RNF167: variants seen among roughly 807,000 people sequenced by gnomAD.
RNF167 encodes ring finger protein 167, also known as E3 ubiquitin-protein ligase RNF167.
Under a neutral mutation model 34.8 loss-of-function variants are expected in RNF167, and 19 were observed. The ratio of observed to expected loss-of-function variants is 0.55; its 90% CI spans 0.38 to 0.80. The LOEUF (loss-of-function observed/expected upper bound fraction) is 0.80. RNF167 is among the 30% of genes least tolerant of loss of function. The probability of loss-of-function intolerance (pLI) is 0.00; values close to 1 mark genes in which losing one functional copy is unlikely to be tolerated. For missense variants in RNF167, 464 were observed against 447.0 expected (o/e 1.04, Z -0.34); for synonymous variants, 200 against 170.4 (o/e 1.17, Z -1.35).
At chr17:4,941,232 C>A in intron 3 of RNF167, 75 bp downstream of exon 3, 2 of 1,344,026 alleles carry the variant, frequency 1.5e-6, no homozygotes, top group Non-Finnish European at 2.1e-6. Flanking sequence ...TTTAGTATTT[C>A]GCAAGATCCT....
intron 3 of RNF167, among the ~76,000 whole-genome samples, chr17:4,941,482 A>G (rs1441929508): frequency 6.6e-6 from 1 of 152,202 alleles, no homozygotes; most frequent in African/African-American, 2.4e-5. Flanking sequence ...ACTTTGGGCA[A>G]GTTAATCTCT....
intron 3 of RNF167, among the ~76,000 whole-genome samples, chr17:4,941,680 C>T (rs769172915): frequency 6.6e-6 from 1 of 152,056 alleles, no homozygotes; most frequent in Non-Finnish European, 1.5e-5. Flanking sequence ...ATTGAAGAGG[C>T]CGGGCGCGGT....
At position 4,940,811 on chromosome 17, in the gene RNF167, C is replaced by T; in HGVS notation, c.-99C>T. ...AGTGGGACCTGGGGGTGGTTGGACC[C>T]CTGGGATCCTAAAGGAGGGGCAGGG... On this transcript the variant is annotated 5_prime_UTR_variant, in exon 2 of 10. Coordinates refer to ENST00000262482, the MANE Select transcript of RNF167 (RefSeq NM_015528.3). The T allele has an allele frequency of 8.7e-7, 1 of 1,150,406 alleles. No homozygotes were observed. The highest frequency in any genetic ancestry group is 1.6e-5 in the African/African-American group (1 of 63,944). 71.3% of individuals were successfully genotyped at this position (1,150,406 alleles called of 1,614,324 possible).
At position 4,944,562 on chromosome 17, in the gene RNF167, C is replaced by G. The variant is rs141830959; in HGVS notation, c.675C>G (p.Asp225Glu). ...QIPTHDYQKG[D>E]QYDVCAICLD... ...ATTATTTTCTTTCTGTCCCAGGAGACCAGTATGATGTCTGTGCCATTTGCC... is the reference window on the plus strand; with the variant it reads ...ATTATTTTCTTTCTGTCCCAGGAGAGCAGTATGATGTCTGTGCCATTTGCC... Residue 225 changes from aspartate to glutamate, a missense_variant, in exon 9 of 10, where the codon GAC (aspartate) becomes GAG (glutamate). By Grantham distance (45) the Asp-to-Glu change is conservative. Transcript: ENST00000262482. 6.3e-7 allele frequency: 1 copy of G among 1,591,690 alleles called. No individual in the cohort carries two copies. The highest frequency in any genetic ancestry group is 2.2e-5 in the East Asian group (1 of 44,522).
intron 4 of RNF167, 42 bp downstream of exon 4, chr17:4,942,508 A>G: frequency 6.2e-7 from 1 of 1,613,252 alleles, no homozygotes; most frequent in South Asian, 1.1e-5. Flanking sequence ...TGAGGGTAAA[A>G]AAAAGGCACC....
chr17:4,941,805 T>G (rs1970833795), intron 3 of RNF167, among the ~76,000 whole-genome samples: 1 of 152,068 alleles, frequency 6.6e-6, no homozygotes, highest in Admixed American at 6.6e-5. Flanking sequence ...TAGTCCCAAC[T>G]ACTTGGGAGG....
intron 6 of RNF167, 48 bp downstream of exon 6, chr17:4,942,989 T>C (rs746056899): frequency 1.3e-6 from 2 of 1,567,674 alleles, no homozygotes; most frequent in Non-Finnish European, 1.8e-6. Flanking sequence ...AGCAGTTCCA[T>C]GCCAACCTGG....
chr17:4,940,450 C>T (rs747201584), intron 1 of RNF167, 37 bp from the exon 2 acceptor site: 1 of 160,444 alleles, frequency 6.2e-6, no homozygotes, highest in Non-Finnish European at 1.4e-5. Flanking sequence ...CACAGGCAGT[C>T]CCTCCATCGC....
rs1020397015 is a variant in RNF167 at position 4,944,869 on chromosome 17, C to A, written c.906C>A (p.His302Gln). Residue 302 changes from histidine (H) to glutamine (Q), a missense_variant, in exon 10 of 10, where the codon CAC becomes CAA. Transcript: ENST00000262482. ...EEGDEGEPRD[H>Q]PASERTPLLG... is the part of the protein sequence containing the mutation. ...GTGATGAAGGGGAGCCAAGGGACCA[C>A]CCTGCCTCAGAAAGGACCCCACTTT... 3.1e-6 allele frequency: 5 copies of A among 1,613,948 alleles called. No homozygotes were observed. Among genetic ancestry groups the A allele is most frequent in the Middle Eastern group, 3.3e-4 (2 of 6,060 alleles).
Position 4,943,665 on chromosome 17 carries a change from T to TG in RNF167, c.670+149dup, listed in dbSNP as rs1971067887. The TG allele has an allele frequency of 1.0e-5, 7 of 697,310 alleles. No individual in the cohort carries two copies. The Admixed American group carries it at 1.7e-4, about 17-fold the overall frequency. The allele number at this position is 697,310 out of a possible 1,614,324, so 43.2% of individuals were successfully genotyped here. A position where few individuals can be genotyped will look rare whatever the true frequency, so the allele number is the denominator to read the frequency against. On this transcript the variant is annotated intron_variant, in intron 8 of 9. Transcript: ENST00000262482. ...CCAAGTGCCTCTAATCCCAGTACTTTGGGAGGCCAAGGTGGGCAGGTCACT... is the reference window on the plus strand; with the variant it reads ...CCAAGTGCCTCTAATCCCAGTACTTTGGGGAGGCCAAGGTGGGCAGGTCACT...
At position 4,940,890 on chromosome 17, in the gene RNF167, G is replaced by A. The variant is rs528847193; in HGVS notation, c.-20G>A. On this transcript the variant is annotated 5_prime_UTR_variant, in exon 2 of 10. Coordinates refer to ENST00000262482, the MANE Select transcript of RNF167 (RefSeq NM_015528.3). ...GCTACCAGGACGCGCGGCCTCCTCA[G>A]CCTCTTTCCTCCCGCTGCCATGCAC... is the stretch of plus-strand genomic sequence containing the variant. 1 of 1,561,914 alleles carries A rather than the reference G, an allele frequency of 6.4e-7. No individual in the cohort carries two copies. Among genetic ancestry groups the A allele is most frequent in the African/African-American group, 1.4e-5 (1 of 73,388 alleles).
Position 4,940,962 on chromosome 17 carries a change from G to T in RNF167, c.53G>T (p.Gly18Val). 6.2e-7 allele frequency: 1 copy of T among 1,612,054 alleles called. No homozygotes were observed. Among genetic ancestry groups the T allele is most frequent in the Non-Finnish European group, 8.5e-7 (1 of 1,178,572 alleles). Residue 18 changes from glycine (G) to valine (V), a missense_variant, in exon 2 of 10, where the codon GGA becomes GTA. By Grantham distance (109) the Gly-to-Val change is moderately radical. Coordinates refer to ENST00000262482, the MANE Select transcript of RNF167 (RefSeq NM_015528.3). ...LPVVVAAVLW[G>V]AAPTRGLIRA... ...GTGGTTGTGGCCGCTGTGCTGTGGG[G>T]AGCGGCCCCGACCCGGGGGCTCATT...
rs1437420264 is a variant in RNF167, at chr17:4,944,345, A to C, written c.671-213A>C. ...CCTATCTCCACCCTCACACCTCCCC[A>C]AAAACCCACTTCCCTTCTTACCTCT... is the stretch of plus-strand genomic sequence containing the variant. On this transcript the variant is annotated intron_variant, in intron 8 of 9. Coordinates refer to ENST00000262482, the MANE Select transcript of RNF167 (RefSeq NM_015528.3). 7 of 1,211,776 alleles carry C rather than the reference A, an allele frequency of 5.8e-6. No individual in the cohort carries two copies. The East Asian group carries it at 1.1e-4, about 18-fold the overall frequency. 75.1% of individuals were successfully genotyped at this position (1,211,776 alleles called of 1,614,324 possible). A position where few individuals can be genotyped will look rare whatever the true frequency, so the allele number is the denominator to read the frequency against.
In RNF167 at chr17:4,942,988, A is replaced by G. The variant is rs1456931501; in HGVS notation, c.470+47A>G. 5.1e-6 allele frequency: 8 copies of G among 1,569,964 alleles called. No individual in the cohort carries two copies. In the Admixed American group the frequency reaches 1.0e-4, roughly 20 times the overall value. ...CATTCTTCCTTCAGCAAGCAGTTCC[A>G]TGCCAACCTGGAGCCCAGGCCTCCT... On this transcript the variant is annotated intron_variant, in intron 6 of 9. Transcript: ENST00000262482.
rs201948168 is a variant in RNF167, at chr17:4,942,477, G to A, written c.291+11G>A. On this transcript the variant is annotated intron_variant, in intron 4 of 9. Transcript: ENST00000262482. ...AACTTTGACCTCAAGGTTGCTGAAT[G>A]AGGAAGGGGAGCTGGGCAGCTGAGG... The A allele has an allele frequency of 1.4e-4, 220 of 1,614,034 alleles. No individual in the cohort carries two copies. Among genetic ancestry groups the A allele is most frequent in the Middle Eastern group, 1.6e-4 (1 of 6,062 alleles).
rs145504577 is a variant in RNF167 at position 4,944,939 on chromosome 17, C to T, written c.976C>T (p.Pro326Ser). The T allele has an allele frequency of 2.5e-6, 4 of 1,607,616 alleles. No homozygotes were observed. The highest frequency in any genetic ancestry group is 3.4e-6 in the Non-Finnish European group (4 of 1,177,158). ...TCCCACCTCCTTTGGTTCCTTAGCC[C>T]CAGCTCCCCTTGTTTTTCCTGGGCC... is the stretch of plus-strand genomic sequence containing the variant. ...TLPTSFGSLA[P>S]APLVFPGPST... The change falls in exon 10 of 10, where the codon CCA (proline) becomes TCA (serine). Residue 326 changes from proline to serine, a missense_variant. Transcript: ENST00000262482.
At position 4,944,948 on chromosome 17, in the gene RNF167, C is replaced by T. The variant is rs765050862; in HGVS notation, c.985C>T (p.Leu329Phe). 6.2e-7 allele frequency: 1 copy of T among 1,604,300 alleles called. No individual in the cohort carries two copies. The highest frequency in any genetic ancestry group is 2.2e-5 in the East Asian group (1 of 44,836). The stretch of plus-strand genomic sequence containing the variant: ...CTTTGGTTCCTTAGCCCCAGCTCCC[C>T]TTGTTTTTCCTGGGCCTTCAACAGA... Reference protein sequence around the residue: ...TSFGSLAPAPLVFPGPSTDPP... With the variant: ...TSFGSLAPAPFVFPGPSTDPP... Residue 329 changes from leucine (L) to phenylalanine (F), a missense_variant, in exon 10 of 10, where the codon CTT (leucine) becomes TTT (phenylalanine). By Grantham distance (22) the Leu-to-Phe change is conservative. Transcript: ENST00000262482.
Position 4,941,071 on chromosome 17 carries a change from C to T in RNF167, c.85-6C>T. The T allele has an allele frequency of 6.2e-7, 1 of 1,614,150 alleles. No individual in the cohort carries two copies. On this transcript the variant is annotated splice_region_variant and splice_polypyrimidine_tract_variant and intron_variant, in intron 2 of 9. Transcript: ENST00000262482. ...TGAAGGGGAACATCGCCTTTTTTGT[C>T]CGCAGACCTCGGACCACAATGCCAG...
Position 4,945,066 on chromosome 17 carries a change from CT to C in RNF167, c.*52del, listed in dbSNP as rs774223773. The C allele has an allele frequency of 4.1e-6, 6 of 1,447,120 alleles. No homozygotes were observed. In the South Asian group the frequency reaches 8.3e-5, roughly 20 times the overall value. 89.6% of individuals were successfully genotyped at this position (1,447,120 alleles called of 1,614,324 possible). ...GTGACCTATTTGCACAGACCGTCGTCTTCCCTCCAGTCTTCTGAGGGATAGG... is the reference window on the plus strand; with the variant it reads ...GTGACCTATTTGCACAGACCGTCGTCTCCCTCCAGTCTTCTGAGGGATAGG... On this transcript the variant is annotated 3_prime_UTR_variant, in exon 10 of 10. Transcript: ENST00000262482.
Sources: allele counts gnomAD v4.1 joint callset (sites outside exome capture counted in the v4.1 genomes callset), GRCh38; gene constraint gnomAD v4.1.1; transcripts MANE v1.5; gene names NCBI Gene and HGNC (gene_info 2026-07-23, HGNC 2026-07-21).